CNTN5: variants seen among roughly 807,000 people sequenced by gnomAD.
CNTN5 encodes contactin-5.
In CNTN5, 77 loss-of-function variants were observed where a neutral mutation model predicts 129.1. The observed-to-expected ratio is 0.60, with a 90% CI of 0.50 to 0.72. The LOEUF (loss-of-function observed/expected upper bound fraction) is 0.72. Ranked by LOEUF, CNTN5 falls within the 30% of genes least tolerant of loss-of-function variation. CNTN5 has a pLI of 0.00. For missense variants in CNTN5, 1,478 were observed against 1,328.8 expected (o/e 1.11, Z -1.75); for synonymous variants, 509 against 465.6 (o/e 1.09, Z -1.20).
chr11:99,926,754 A>G (rs1209346210), intron 7 of CNTN5, among the ~76,000 whole-genome samples: 1 of 152,068 alleles, frequency 6.6e-6, no homozygotes, highest in Non-Finnish European at 1.5e-5. Context: ...TCAAATCACT[A>G]TATATTAAAT....
At chr11:99,547,175 G>C (rs545872756) in intron 2 of CNTN5, among the ~76,000 whole-genome samples, 3 of 151,858 alleles carry the variant, frequency 2.0e-5, no homozygotes, top group African/African-American at 7.2e-5. Flanking sequence ...GGCTAATTTT[G>C]TATTTTTTTA....
At chr11:100,304,316 G>T (rs2138908168) in intron 20 of CNTN5, among the ~76,000 whole-genome samples, 1 of 151,716 alleles carries the variant, frequency 6.6e-6, no homozygotes, top group South Asian at 2.1e-4. Flanking sequence ...TGCTAGTACA[G>T]TCTCAGAAAT....
intron 1 of CNTN5, among the ~76,000 whole-genome samples, chr11:99,227,708 T>A (rs539382012): frequency 6.6e-6 from 1 of 152,302 alleles, no homozygotes; most frequent in Admixed American, 6.5e-5. Context: ...CAAGATTATT[T>A]GAATTTTAAA....
intron 1 of CNTN5, among the ~76,000 whole-genome samples, chr11:99,045,652 T>C (rs1864176030): frequency 6.6e-6 from 1 of 152,244 alleles, no homozygotes; most frequent in African/African-American, 2.4e-5. Context: ...CTCAGGATTA[T>C]TGCCAGATAG....
intron 1 of CNTN5, among the ~76,000 whole-genome samples, chr11:99,294,983 T>C (rs992948610): frequency 3.3e-5 from 5 of 152,196 alleles, no homozygotes; most frequent in Non-Finnish European, 7.3e-5. Flanking sequence ...ATTTTGGGTT[T>C]CCAGTCTCAG....
chr11:100,300,363 A>C lies in CNTN5; in HGVS notation c.2620+967A>C, dbSNP rs77698801. ...GTTAACCTTACAAGTGGGGGAAAAA[A>C]ATGAGAAAAGGAAAAGACAGCCTTA... On this transcript the variant is annotated intron_variant, in intron 20 of 24. Transcript: ENST00000524871. Among the ~76,000 whole-genome samples the C allele has an allele frequency of 5.1e-3, 771 of 151,518 alleles. 5 individuals carry two copies. Among genetic ancestry groups the C allele is most frequent in the Middle Eastern group, 0.024 (7 of 294 alleles).
At chr11:99,363,936 T>C (rs542407102) in intron 2 of CNTN5, among the ~76,000 whole-genome samples, 1 of 152,164 alleles carries the variant, frequency 6.6e-6, no homozygotes, top group African/African-American at 2.4e-5. Context: ...TTCCCTCACA[T>C]GTTCAAATAA....
intron 2 of CNTN5, among the ~76,000 whole-genome samples, chr11:99,539,925 T>A (rs892222431): frequency 3.9e-5 from 6 of 152,178 alleles, no homozygotes; most frequent in African/African-American, 1.4e-4. Context: ...ATTTTTGTCA[T>A]GTATTTTAAA....
chr11:99,945,489 CGTGTGTGT>C (rs3990615), intron 7 of CNTN5, among the ~76,000 whole-genome samples: 9,323 of 148,980 alleles, frequency 0.063, 319 homozygotes, highest in Admixed American at 0.095. Flanking sequence ...AACCTCTGTG[CGTGTGTGT>C]GTGTGTGTGT....
intron 8 of CNTN5, among the ~76,000 whole-genome samples, chr11:99,957,875 G>GTA (rs1491056041): frequency 5.3e-5 from 8 of 149,826 alleles, no homozygotes; most frequent in East Asian, 3.9e-4. Flanking sequence ...GTGTGTGTGT[G>GTA]TATATATGTT....
intron 3 of CNTN5, among the ~76,000 whole-genome samples, chr11:99,582,233 A>T (rs1949630261): frequency 6.6e-6 from 1 of 152,082 alleles, no homozygotes; most frequent in African/African-American, 2.4e-5. Context: ...GGGTAACCCG[A>T]CCTTTCTCTC....
intron 13 of CNTN5, among the ~76,000 whole-genome samples, chr11:100,175,626 G>A (rs1051269254): frequency 2.6e-5 from 4 of 152,044 alleles, no homozygotes; most frequent in African/African-American, 9.7e-5. Context: ...ACACTGACGG[G>A]AAAATATGTA....
chr11:99,791,064 G>A (rs1206192527), intron 3 of CNTN5, among the ~76,000 whole-genome samples: 3 of 150,810 alleles, frequency 2.0e-5, no homozygotes, highest in Admixed American at 2.0e-4. Flanking sequence ...CAGATGCATA[G>A]TTTGCAAATA....
chr11:99,437,079 C>T (rs1943628199), intron 2 of CNTN5, among the ~76,000 whole-genome samples: 1 of 152,092 alleles, frequency 6.6e-6, no homozygotes, highest in South Asian at 2.1e-4. Flanking sequence ...AAAAGTGAGC[C>T]CTGATTTCCA....
At chr11:99,410,328 C>T (rs1010465547) in intron 2 of CNTN5, among the ~76,000 whole-genome samples, 9 of 152,006 alleles carry the variant, frequency 5.9e-5, no homozygotes, top group Admixed American at 2.6e-4. Context: ...AGAACTGACA[C>T]GGTTAAGGAA....
chr11:99,532,517 T>C (rs1008133470), intron 2 of CNTN5, among the ~76,000 whole-genome samples: 1 of 152,072 alleles, frequency 6.6e-6, no homozygotes, highest in African/African-American at 2.4e-5. Flanking sequence ...CAGAATGATA[T>C]GGGTTGGCCA....
chr11:99,392,062 T>C (rs1346460360), intron 2 of CNTN5, among the ~76,000 whole-genome samples: 1 of 151,932 alleles, frequency 6.6e-6, no homozygotes, highest in African/African-American at 2.4e-5. Context: ...AATTCTTAGT[T>C]AATTGTCTGT....
chr11:99,816,900 C>T (rs1236012841), intron 3 of CNTN5, among the ~76,000 whole-genome samples: 1 of 151,976 alleles, frequency 6.6e-6, no homozygotes, highest in Non-Finnish European at 1.5e-5. Context: ...TATTTTCTTC[C>T]CTGTCTAGAG....
intron 2 of CNTN5, among the ~76,000 whole-genome samples, chr11:99,497,381 A>T (rs2135370951): frequency 7.5e-6 from 1 of 132,798 alleles, no homozygotes; most frequent in South Asian, 2.6e-4. Context: ...CTTTGATGTA[A>T]GTTCTGGCTG....
Sources: allele counts gnomAD v4.1 joint callset (sites outside exome capture counted in the v4.1 genomes callset), GRCh38; gene constraint gnomAD v4.1.1; transcripts MANE v1.5; gene names NCBI Gene and HGNC (gene_info 2026-07-23, HGNC 2026-07-21).